The following FRMD6 variants were observed in gnomAD, a reference collection of about 807,000 sequenced individuals.
FRMD6 encodes the protein FERM domain containing 6.
A neutral mutation model predicts 73.2 loss-of-function variants in FRMD6; 37 were observed. That is an observed-to-expected ratio of 0.51 (90% CI 0.39 to 0.66). The LOEUF is 0.66. FRMD6 is among the 30% of genes least tolerant of loss of function. FRMD6 has a pLI of 0.00. For missense variants in FRMD6, 714 were observed against 780.5 expected, an observed-to-expected ratio of 0.91 and a Z score of 1.02; for synonymous variants, 273 against 282.2, an observed-to-expected ratio of 0.97 and a Z score of 0.33.
At chr14:51,505,898 T>C (rs557505416) in intron 1 of FRMD6, among the ~76,000 whole-genome samples, 1 of 152,176 alleles carries the variant, frequency 6.6e-6, no homozygotes, top group Middle Eastern at 3.2e-3. Flanking sequence ...TTTATTGGTC[T>C]TTCTCCCTTC....
At chr14:51,634,925 C>T (rs1891489876) in intron 2 of FRMD6, among the ~76,000 whole-genome samples, 1 of 152,122 alleles carries the variant, frequency 6.6e-6, no homozygotes. Context: ...ATTCTTCTAC[C>T]AGAGGCTACT....
At chr14:51,444,032 G>A in the FRMD6 span, among the ~76,000 whole-genome samples, 1 of 150,332 alleles carries the variant, frequency 6.7e-6, no homozygotes, top group African/African-American at 2.5e-5. Context: ...AGGTTCAAGT[G>A]ATTCTTCCGC....
intron 1 of FRMD6, among the ~76,000 whole-genome samples, chr14:51,526,438 A>C (rs1885261748): frequency 6.6e-6 from 1 of 152,126 alleles, no homozygotes; most frequent in Non-Finnish European, 1.5e-5. Flanking sequence ...AACTGACAGG[A>C]GTTAGAATAT....
In FRMD6 at chr14:51,708,075, C is replaced by T; in HGVS notation, c.559-3C>T. The T allele has an allele frequency of 6.2e-7, 1 of 1,612,832 alleles. No homozygotes were observed. Among genetic ancestry groups the T allele is most frequent in the Non-Finnish European group, 8.5e-7 (1 of 1,179,184 alleles). On this transcript the variant is annotated splice_region_variant and splice_polypyrimidine_tract_variant and intron_variant, in intron 6 of 13. Transcript: ENST00000344768. ...GCATTGCACACCCCTTGTATCCCAA[C>T]AGGTTGTTTCCAAGAGGGGGAAGGA...
intron 13 of FRMD6, among the ~76,000 whole-genome samples, chr14:51,726,187 C>T (rs993914495): frequency 6.6e-6 from 1 of 152,138 alleles, no homozygotes; most frequent in Admixed American, 6.5e-5. Flanking sequence ...TGTCCTCAAC[C>T]TGGGAGAATA....
intron 12 of FRMD6, 116 bp downstream of exon 12, chr14:51,722,196 C>A: frequency 1.0e-6 from 1 of 990,254 alleles, no homozygotes; most frequent in South Asian, 1.6e-5. Context: ...GACTGGACTG[C>A]ACTAAGAGTC....
the FRMD6 span, among the ~76,000 whole-genome samples, chr14:51,448,523 T>G: frequency 6.6e-6 from 1 of 152,240 alleles, no homozygotes; most frequent in Non-Finnish European, 1.5e-5. Context: ...GAGAAGCAAT[T>G]GTTAAGCTGA....
intron 6 of FRMD6, among the ~76,000 whole-genome samples, chr14:51,706,464 T>C (rs972926406): frequency 1.3e-5 from 2 of 152,092 alleles, no homozygotes; most frequent in Non-Finnish European, 2.9e-5. Flanking sequence ...ACTCTCCAGA[T>C]TATAGTCCCT....
chr14:51,508,045 T>G (rs1884075121), intron 1 of FRMD6, among the ~76,000 whole-genome samples: 1 of 152,106 alleles, frequency 6.6e-6, no homozygotes. Flanking sequence ...GCGTGCCCAC[T>G]CAGGCTCCAT....
the FRMD6 span, among the ~76,000 whole-genome samples, chr14:51,405,255 A>G: frequency 6.6e-6 from 1 of 152,166 alleles, no homozygotes; most frequent in Admixed American, 6.5e-5. Context: ...ATGTGTCTTT[A>G]TGGTAGAATG....
At chr14:51,513,872 A>C (rs1884466916) in intron 1 of FRMD6, among the ~76,000 whole-genome samples, 1 of 152,194 alleles carries the variant, frequency 6.6e-6, no homozygotes, top group Admixed American at 6.5e-5. Flanking sequence ...AGAGGCATTT[A>C]AGCTTCCCCA....
chr14:51,574,957 G>T (rs1888325959), intron 2 of FRMD6, among the ~76,000 whole-genome samples: 1 of 152,232 alleles, frequency 6.6e-6, no homozygotes, highest in South Asian at 2.1e-4. Context: ...TATACACATA[G>T]TATGTACCCA....
chr14:51,718,087 GA>G (rs1479031515), intron 10 of FRMD6, among the ~76,000 whole-genome samples: 2 of 152,180 alleles, frequency 1.3e-5, no homozygotes, highest in Non-Finnish European at 2.9e-5. Context: ...TTATTAGGGG[GA>G]TGAGAGGTTG....
intron 2 of FRMD6, among the ~76,000 whole-genome samples, chr14:51,601,926 A>C (rs893197544): frequency 2.0e-5 from 3 of 152,118 alleles, no homozygotes; most frequent in Non-Finnish European, 4.4e-5. Context: ...TGCCTCCCTG[A>C]TTAGATTGTA....
In FRMD6 at chr14:51,573,559, G is replaced by A. The variant is rs1888246999; in HGVS notation, c.-147+3149G>A. ...TGTGAGGAGCCAGATCCCAGGGAAGGCACAGAAAGGAATCCTACATTAGGC... is the reference window on the plus strand; with the variant it reads ...TGTGAGGAGCCAGATCCCAGGGAAGACACAGAAAGGAATCCTACATTAGGC... On this transcript the variant is annotated intron_variant, in intron 2 of 14. Transcript: ENST00000356218. Among the ~76,000 whole-genome samples the A allele has an allele frequency of 3.9e-5, 6 of 152,146 alleles. 1 individual carries two copies. The South Asian group carries it at 1.0e-3, about 26-fold the overall frequency.
At chr14:51,410,172 A>C in the FRMD6 span, among the ~76,000 whole-genome samples, 1 of 152,232 alleles carries the variant, frequency 6.6e-6, no homozygotes, top group East Asian at 1.9e-4. Flanking sequence ...AAGTCTTCCC[A>C]AAATTGGCAT....
intron 2 of FRMD6, among the ~76,000 whole-genome samples, chr14:51,626,816 C>T (rs1891133048): frequency 6.6e-6 from 1 of 152,182 alleles, no homozygotes; most frequent in Non-Finnish European, 1.5e-5. Context: ...ATTGTACCTA[C>T]TTCAGAGTCA....
intron 10 of FRMD6, among the ~76,000 whole-genome samples, chr14:51,717,022 G>T (rs1897276657): frequency 6.6e-6 from 1 of 152,156 alleles, no homozygotes. Flanking sequence ...GACCTTAAGA[G>T]ATCCCTTCAG....
intron 1 of FRMD6, among the ~76,000 whole-genome samples, chr14:51,502,293 T>C (rs1883670324): frequency 6.6e-6 from 1 of 152,236 alleles, no homozygotes; most frequent in East Asian, 1.9e-4. Context: ...TCCTGAATGG[T>C]ATTGCCTAGA....
Sources: gnomAD v4.1 joint callset for allele counts (sites outside exome capture counted in the v4.1 genomes callset) on GRCh38, gnomAD v4.1.1 for gene constraint, MANE v1.5 for transcripts, NCBI Gene and HGNC (gene_info 2026-07-23, HGNC 2026-07-21) for gene names.